Variants in ABCC8 observed in about 807,000 individuals in gnomAD.
ABCC8 encodes the protein ATP binding cassette subfamily C member 8, also known as ATP-binding cassette sub-family C member 8.
A neutral mutation model predicts 188.0 loss-of-function variants in ABCC8; 137 were observed. The observed-to-expected ratio is 0.73, with a 90% CI of 0.63 to 0.84. The LOEUF (loss-of-function observed/expected upper bound fraction) is 0.84. Ranked by LOEUF, ABCC8 falls within the 40% of genes least tolerant of loss-of-function variation. The probability of loss-of-function intolerance (pLI) is 0.00; values close to 1 mark genes in which losing one functional copy is unlikely to be tolerated. For synonymous variants in ABCC8, 797 were observed against 846.5 expected (o/e 0.94, Z 1.01); for missense variants, 1,750 against 2,072.7 (o/e 0.84, Z 3.02).
At chr11:17,412,588 G>T in intron 21 of ABCC8, 78 bp downstream of exon 21, 1 of 1,517,208 alleles carries the variant, frequency 6.6e-7, no homozygotes, top group Non-Finnish European at 9.0e-7. Context: ...ATGATGGTGG[G>T]GTTGCGGGGA....
At chr11:17,407,761 G>A (rs550732800) in intron 23 of ABCC8, among the ~76,000 whole-genome samples, 4 of 152,254 alleles carry the variant, frequency 2.6e-5, no homozygotes, top group East Asian at 3.9e-4. Flanking sequence ...ATTCCACACC[G>A]CTGGCCACAG....
intron 17 of ABCC8, among the ~76,000 whole-genome samples, chr11:17,416,698 T>C (rs1955092375): frequency 1.3e-5 from 2 of 152,224 alleles, no homozygotes; most frequent in East Asian, 1.9e-4. Context: ...TACTGGCATC[T>C]GTTTGGTACT....
Position 17,404,440 on chromosome 11 carries a change from C to T in ABCC8, c.3557+72G>A, listed in dbSNP as rs530577802. 222 of 1,465,778 alleles carry T rather than the reference C, an allele frequency of 1.5e-4. 1 individual carries two copies. In the East Asian group the frequency reaches 3.1e-3, roughly 20 times the overall value. 90.8% of individuals were successfully genotyped at this position (1,465,778 alleles called of 1,614,324 possible). A position where few individuals can be genotyped will look rare whatever the true frequency, so the allele number is the denominator to read the frequency against. On this transcript the variant is annotated intron_variant, in intron 28 of 38. Transcript: ENST00000389817. The surrounding 1 kb of genome is among the most constrained non-coding windows in gnomAD (Gnocchi z 4.7). ...GAACACGACCCTATTACTCTCATAA[C>T]GATGAGTCTAGCAAGTACACCAAAC...
At chr11:17,476,484 G>T in intron 1 of ABCC8, 145 bp downstream of exon 1, 1 of 927,994 alleles carries the variant, frequency 1.1e-6, no homozygotes, top group Non-Finnish European at 1.6e-6. Context: ...GGACCGGCGG[G>T]CAGGACACAG....
intron 2 of ABCC8, among the ~76,000 whole-genome samples, chr11:17,473,024 T>A (rs1283191656): frequency 6.6e-6 from 1 of 152,194 alleles, no homozygotes; most frequent in African/African-American, 2.4e-5. Flanking sequence ...AAACACCTTA[T>A]ACTTTCTCAC....
chr11:17,432,680 A>G lies in ABCC8; in HGVS notation c.1631-436T>C, dbSNP rs75363279. ...AAGCTTAGAGACTTCCTAGTCTCCC[A>G]TGGCTCTTGAGAAAATTTCAAACTC... On this transcript the variant is annotated intron_variant, in intron 10 of 38. Transcript: ENST00000389817. Among the ~76,000 whole-genome samples, 1,198 of 152,266 alleles carry G rather than the reference A, an allele frequency of 7.9e-3. 14 individuals are homozygous for G. The highest frequency in any genetic ancestry group is 0.026 in the African/African-American group (1,094 of 41,544).
In ABCC8 at chr11:17,455,872, GA is replaced by G. The variant is rs1956973621; in HGVS notation, c.1012-2590del. ...GAGAATTGCTTGAACCCAGGAGGCAGAGGTTGCAGTGAGCTAAGATTGCGCC... is the reference window on the plus strand; with the variant it reads ...GAGAATTGCTTGAACCCAGGAGGCAGGGTTGCAGTGAGCTAAGATTGCGCC... On this transcript the variant is annotated intron_variant, in intron 6 of 38. Transcript: ENST00000389817. 2.7e-5 allele frequency among the ~76,000 whole-genome samples: 4 copies of G among 150,266 alleles called. No homozygotes were observed. In the Admixed American group the frequency reaches 2.7e-4, roughly 10 times the overall value.
At chr11:17,465,280 G>C (rs1370434529) in intron 3 of ABCC8, 1 of 152,274 alleles carries the variant, frequency 6.6e-6, no homozygotes, top group African/African-American at 2.4e-5. Context: ...CTTAGTGAGA[G>C]CTGCCTACAG....
chr11:17,395,338 G>A, intron 35 of ABCC8, 63 bp from the exon 36 acceptor site: 1 of 1,550,906 alleles, frequency 6.4e-7, no homozygotes, highest in East Asian at 2.4e-5. Flanking sequence ...TCCCCAGGCG[G>A]CAAAGAGGGC....
intron 3 of ABCC8, among the ~76,000 whole-genome samples, chr11:17,468,782 A>G (rs376339669): frequency 2.0e-5 from 3 of 152,172 alleles, no homozygotes; most frequent in African/African-American, 7.2e-5. Context: ...AACAATACCA[A>G]TAAGGAGGCT....
intron 6 of ABCC8, among the ~76,000 whole-genome samples, chr11:17,457,270 A>T (rs1957029667): frequency 6.6e-6 from 1 of 152,210 alleles, no homozygotes; most frequent in Non-Finnish European, 1.5e-5. Flanking sequence ...AGACACACAC[A>T]CATGCACACA....
intron 3 of ABCC8, among the ~76,000 whole-genome samples, chr11:17,468,486 G>A (rs1326646933): frequency 6.6e-6 from 1 of 152,122 alleles, no homozygotes; most frequent in Non-Finnish European, 1.5e-5. Flanking sequence ...CCTTAGACAC[G>A]CAGTCTCAGA....
At position 17,404,429 on chromosome 11, in the gene ABCC8, T is replaced by TA; in HGVS notation, c.3557+82dup. 1 of 1,391,096 alleles carries TA rather than the reference T, an allele frequency of 7.2e-7. No homozygotes were observed. Among genetic ancestry groups the TA allele is most frequent in the African/African-American group, 1.4e-5 (1 of 70,424 alleles). 86.2% of individuals were successfully genotyped at this position (1,391,096 alleles called of 1,614,324 possible). ...TTTTTTGGAGGGAACACGACCCTAT[T>TA]ACTCTCATAACGATGAGTCTAGCAA... On this transcript the variant is annotated intron_variant, in intron 28 of 38. Coordinates refer to ENST00000389817, the MANE Select transcript of ABCC8 (RefSeq NM_000352.6). The surrounding 1 kb of genome is among the most constrained non-coding windows in gnomAD (Gnocchi z 4.7).
intron 21 of ABCC8, among the ~76,000 whole-genome samples, chr11:17,411,373 C>A (rs1954796265): frequency 6.6e-6 from 1 of 152,232 alleles, no homozygotes; most frequent in South Asian, 2.1e-4. Flanking sequence ...ATGTCCACTT[C>A]ACTTTTCTCT....
chr11:17,475,150 T>A (rs1848691850), intron 1 of ABCC8, 123 bp from the exon 2 acceptor site: 1 of 1,437,326 alleles, frequency 7.0e-7, no homozygotes. Context: ...CACATGAGGA[T>A]CCCCAAGGCT....
intron 32 of ABCC8, 22 bp downstream of exon 32, chr11:17,397,170 AC>A (rs746041040): frequency 6.2e-7 from 1 of 1,612,120 alleles, no homozygotes. Flanking sequence ...ACTCTTCCCC[AC>A]CCCTCTCCCT....
intron 5 of ABCC8, chr11:17,461,285 G>A: frequency 2.1e-6 from 1 of 487,252 alleles, no homozygotes; most frequent in Non-Finnish European, 3.8e-6. Context: ...GCACAGGGAT[G>A]TGAGAGTCCA....
At chr11:17,411,891 CTTTT>C (rs1262103548) in intron 21 of ABCC8, among the ~76,000 whole-genome samples, 4 of 122,966 alleles carry the variant, frequency 3.3e-5, no homozygotes, top group Non-Finnish European at 3.4e-5. Context: ...CGAATACGTT[CTTTT>C]TTTTTTTTTT....
intron 12 of ABCC8, 171 bp downstream of exon 12, chr11:17,430,643 A>G: frequency 3.7e-6 from 3 of 800,700 alleles, no homozygotes; most frequent in Non-Finnish European, 4.4e-6. Flanking sequence ...GCGAGCTGGG[A>G]AACCATACAG....
Sources: gnomAD v4.1 joint callset for allele counts (sites outside exome capture counted in the v4.1 genomes callset) on GRCh38, gnomAD v4.1.1 for gene constraint, Gnocchi (gnomAD v3.1) non-coding constraint, MANE v1.5 for transcripts, NCBI Gene and HGNC (gene_info 2026-07-23, HGNC 2026-07-21) for gene names.